PCDHGB6: variants seen among roughly 807,000 people sequenced by gnomAD.
The protein encoded by PCDHGB6 is protocadherin gamma subfamily B, 6, also known as protocadherin gamma-B6.
Under a neutral mutation model 59.1 loss-of-function variants are expected in PCDHGB6, and 51 were observed. The observed-to-expected ratio is 0.86, with a 90% CI of 0.69 to 1.09. The LOEUF (loss-of-function observed/expected upper bound fraction) is 1.09. PCDHGB6 is among the 50% of genes least tolerant of loss of function. The pLI is 0.00. For synonymous variants in PCDHGB6, 466 were observed against 495.1 expected (o/e 0.94, Z 0.78); for missense variants, 1,148 against 1,205.1 (o/e 0.95, Z 0.70).
rs542113846 is a variant in PCDHGB6 at position 141,433,037 on chromosome 5, A to G, written c.2418+22417A>G. ...GACCTATTCCCACGAGGTTTCCCTCACCACGGACTCGCGGAAGAGTCACCT... is the reference window on the plus strand; with the variant it reads ...GACCTATTCCCACGAGGTTTCCCTCGCCACGGACTCGCGGAAGAGTCACCT... On this transcript the variant is annotated intron_variant, in intron 1 of 3. Coordinates refer to ENST00000520790, the MANE Select transcript of PCDHGB6 (RefSeq NM_018926.3). 249 of 1,614,172 alleles carry G rather than the reference A, an allele frequency of 1.5e-4. 6 individuals are homozygous for G. The South Asian group carries it at 2.5e-3, about 16-fold the overall frequency.
intron 1 of PCDHGB6, chr5:141,421,352 AGG>A: frequency 6.2e-7 from 1 of 1,613,946 alleles, no homozygotes; most frequent in Non-Finnish European, 8.5e-7. Context: ...GAGACCGAAA[AGG>A]GCTCCTTCGT....
rs1458508114 is a variant in PCDHGB6, at chr5:141,489,523, C to T, written c.2419-5284C>T. ...GAATCAAAAGATTGACCGAGAAAGC[C>T]TATGTGGAGCCAGCACCAGCTGCCT... On this transcript the variant is annotated intron_variant, in intron 1 of 3. Transcript: ENST00000520790. This position sits in a 1 kb window ranked among gnomAD's most constrained non-coding sequence, Gnocchi z 4.5. The T allele has an allele frequency of 3.5e-5, 56 of 1,614,006 alleles. No homozygotes were observed. The highest frequency in any genetic ancestry group is 4.5e-5 in the Non-Finnish European group (53 of 1,180,044).
chr5:141,428,098 A>C (rs1387848300), intron 1 of PCDHGB6: 1 of 1,608,664 alleles, frequency 6.2e-7, no homozygotes, highest in South Asian at 1.1e-5. Context: ...CTGTCCTACC[A>C]CGTGCTGCAG....
In PCDHGB6 at chr5:141,486,288, T is replaced by G. The variant is rs1181533037; in HGVS notation, c.2419-8519T>G. ...GAACCTGGCACTGTGGTGGCACTTA[T>G]CAGTGTGCAGGATCCAGACTCAGGG... On this transcript the variant is annotated intron_variant, in intron 1 of 3. Transcript: ENST00000520790. This position sits in a 1 kb window ranked among gnomAD's most constrained non-coding sequence, Gnocchi z 5.0. The G allele has an allele frequency of 6.2e-7, 1 of 1,613,996 alleles. No individual in the cohort carries two copies. The highest frequency in any genetic ancestry group is 1.7e-5 in the Admixed American group (1 of 60,000).
At chr5:141,481,191 C>A (rs1244434918) in intron 1 of PCDHGB6, among the ~76,000 whole-genome samples, 1 of 152,148 alleles carries the variant, frequency 6.6e-6, no homozygotes, top group Non-Finnish European at 1.5e-5. Context: ...GGGCCAGGCC[C>A]AATTTTTTTA....
At chr5:141,433,318 G>A (rs1659490277) in intron 1 of PCDHGB6, 2 of 788,746 alleles carry the variant, frequency 2.5e-6, no homozygotes, top group Non-Finnish European at 4.0e-6. Context: ...CTTTGCCTCC[G>A]GTGTAACAGG....
intron 1 of PCDHGB6, among the ~76,000 whole-genome samples, chr5:141,446,430 T>A (rs1468987045): frequency 6.6e-6 from 1 of 152,058 alleles, no homozygotes; most frequent in Non-Finnish European, 1.5e-5. Flanking sequence ...ATTTGAAGGA[T>A]CTGAGAAACA....
chr5:141,455,725 C>T (rs1001661569), intron 1 of PCDHGB6, among the ~76,000 whole-genome samples: 4 of 152,136 alleles, frequency 2.6e-5, no homozygotes, highest in South Asian at 2.1e-4. Context: ...TAATGGCCTG[C>T]ATTTGCATAT....
In PCDHGB6 at chr5:141,431,321, G is replaced by A. The variant is rs112186927; in HGVS notation, c.2418+20701G>A. The A allele has an allele frequency of 1.2e-6, 2 of 1,613,938 alleles. No individual in the cohort carries two copies. The highest frequency in any genetic ancestry group is 1.3e-5 in the African/African-American group (1 of 74,910). ...CCTCATCGTGCAAAATGGAGCCGAC[G>A]GTAGTAAGTACCCCGAATTGGTGCT... is the stretch of plus-strand genomic sequence containing the variant. On this transcript the variant is annotated intron_variant, in intron 1 of 3. Transcript: ENST00000520790. The surrounding 1 kb of genome is among the most constrained non-coding windows in gnomAD (Gnocchi z 4.8).
chr5:141,490,923 C>T lies in PCDHGB6; in HGVS notation c.2419-3884C>T. The T allele has an allele frequency of 6.2e-7, 1 of 1,613,668 alleles. No homozygotes were observed. Among genetic ancestry groups the T allele is most frequent in the South Asian group, 1.1e-5 (1 of 91,050 alleles). On this transcript the variant is annotated intron_variant, in intron 1 of 3. Coordinates refer to ENST00000520790, the MANE Select transcript of PCDHGB6 (RefSeq NM_018926.3). The surrounding 1 kb of genome is among the most constrained non-coding windows in gnomAD (Gnocchi z 5.4). ...TTGTCCTAGACGAGAATGATAATGC[C>T]CCAGCTGTGCTGCACCCACGGCCAG...
At chr5:141,471,079 C>T (rs1169560328) in intron 1 of PCDHGB6, among the ~76,000 whole-genome samples, 1 of 145,256 alleles carries the variant, frequency 6.9e-6, no homozygotes, top group African/African-American at 2.5e-5. Context: ...GACAGGGTCT[C>T]CCTCTGTTGT....
intron 2 of PCDHGB6, among the ~76,000 whole-genome samples, chr5:141,504,259 G>A (rs1325093588): frequency 6.6e-6 from 1 of 152,126 alleles, no homozygotes; most frequent in Non-Finnish European, 1.5e-5. Flanking sequence ...TTATGGTTTA[G>A]TATTTTTTTA....
At chr5:141,452,380 G>A (rs1003689226) in intron 1 of PCDHGB6, among the ~76,000 whole-genome samples, 2 of 152,192 alleles carry the variant, frequency 1.3e-5, no homozygotes, top group Admixed American at 1.3e-4. Context: ...GTAGGGAATA[G>A]TATTTAGAAA....
At chr5:141,413,417 T>C in intron 1 of PCDHGB6, 18 of 1,614,086 alleles carry the variant, frequency 1.1e-5, no homozygotes, top group Non-Finnish European at 1.5e-5. Context: ...CTTTTCTCTC[T>C]GAACCCGCGC....
chr5:141,494,962 T>G (rs1644946600), intron 2 of PCDHGB6, 97 bp downstream of exon 2: 4 of 1,596,756 alleles, frequency 2.5e-6, no homozygotes, highest in Non-Finnish European at 3.4e-6. Context: ...TTGCTACAGA[T>G]GGCTTCTCCC....
At chr5:141,436,071 A>G (rs1419598304) in intron 1 of PCDHGB6, among the ~76,000 whole-genome samples, 1 of 152,222 alleles carries the variant, frequency 6.6e-6, no homozygotes. Context: ...TAATAAGTAC[A>G]GTGTTCTATA....
intron 1 of PCDHGB6, chr5:141,418,422 G>T: frequency 6.2e-7 from 1 of 1,613,996 alleles, no homozygotes; most frequent in Non-Finnish European, 8.5e-7. Context: ...AATCCTGATG[G>T]TGGCAAATAT....
Position 141,431,260 on chromosome 5 carries a change from G to C in PCDHGB6, c.2418+20640G>C, listed in dbSNP as rs762250032. On this transcript the variant is annotated intron_variant, in intron 1 of 3. Coordinates refer to ENST00000520790, the MANE Select transcript of PCDHGB6 (RefSeq NM_018926.3). The surrounding 1 kb of genome is among the most constrained non-coding windows in gnomAD (Gnocchi z 4.8). The stretch of plus-strand genomic sequence containing the variant: ...ATCCGGATATCGGGAAGAACTCTCT[G>C]CAGAGCTACGAGCTCAGCCCGAACA... 6.2e-7 allele frequency: 1 copy of C among 1,614,170 alleles called. No homozygotes were observed. Among genetic ancestry groups the C allele is most frequent in the Non-Finnish European group, 8.5e-7 (1 of 1,180,052 alleles).
intron 1 of PCDHGB6, among the ~76,000 whole-genome samples, chr5:141,481,126 A>G (rs2099532217): frequency 6.6e-6 from 1 of 152,222 alleles, no homozygotes. Context: ...CATTTAGCAT[A>G]TTTGTGAAGT....
Sources: allele counts gnomAD v4.1 joint callset (sites outside exome capture counted in the v4.1 genomes callset), GRCh38; gene constraint gnomAD v4.1.1; non-coding constraint Gnocchi (gnomAD v3.1); transcripts MANE v1.5; gene names NCBI Gene and HGNC (gene_info 2026-07-23, HGNC 2026-07-21).